MS4A6E: variants seen among roughly 807,000 people sequenced by gnomAD.
MS4A6E encodes the protein membrane-spanning 4-domains subfamily A member 6E.
A neutral mutation model predicts 13.2 loss-of-function variants in MS4A6E; 8 were observed. That is an observed-to-expected ratio of 0.60 (90% CI 0.35 to 1.09). MS4A6E has a LOEUF of 1.09. Ranked by LOEUF, MS4A6E falls within the 50% of genes least tolerant of loss-of-function variation. The probability of loss-of-function intolerance (pLI) is 0.02; values close to 1 mark genes in which losing one functional copy is unlikely to be tolerated. For missense variants in MS4A6E, 177 were observed against 171.1 expected (o/e 1.03, Z -0.19); for synonymous variants, 72 against 67.6 (o/e 1.06, Z -0.32).
At chr11:60,335,248 T>C (rs1376298353) in intron 2 of MS4A6E, among the ~76,000 whole-genome samples, 2 of 152,218 alleles carry the variant, frequency 1.3e-5, no homozygotes, top group Non-Finnish European at 2.9e-5. Context: ...ATTCTGAATA[T>C]GAGGAGTTGA....
chr11:60,338,021 T>G, intron 3 of MS4A6E, 74 bp downstream of exon 3: 1 of 1,447,986 alleles, frequency 6.9e-7, no homozygotes, highest in South Asian at 1.3e-5. Flanking sequence ...TATTCCATCC[T>G]TTGAAAATCT....
At chr11:60,343,567 G>C (rs1045276662), downstream of MS4A6E, among the ~76,000 whole-genome samples, 3 of 152,108 alleles carry the variant, frequency 2.0e-5, no homozygotes, top group Non-Finnish European at 4.4e-5. Context: ...ATTTCTCCTT[G>C]GGGTTCTATG....
intron 1 of MS4A6E, among the ~76,000 whole-genome samples, chr11:60,330,361 A>C (rs1273647989): frequency 5.8e-5 from 1 of 17,200 alleles, no homozygotes; most frequent in African/African-American, 1.8e-4. Flanking sequence ...TTTTTTTTTT[A>C]GGCGGAGTCT....
At chr11:60,338,700 A>G (rs1287055578) in intron 3 of MS4A6E, 1 of 152,216 alleles carries the variant, frequency 6.6e-6, no homozygotes, top group African/African-American at 2.4e-5. Context: ...CATTGAGAGG[A>G]AAACAGGCAA....
downstream of MS4A6E, among the ~76,000 whole-genome samples, chr11:60,342,509 C>G (rs2085234715): frequency 6.6e-6 from 1 of 152,078 alleles, no homozygotes; most frequent in Admixed American, 6.5e-5. Flanking sequence ...ATAGATGAGT[C>G]TGAGGAGGTC....
chr11:60,345,753 G>A (rs1263812806), downstream of MS4A6E, among the ~76,000 whole-genome samples: 1 of 152,204 alleles, frequency 6.6e-6, no homozygotes, highest in African/African-American at 2.4e-5. Context: ...ATTATGTGGG[G>A]TGTAAATCAT....
intron 1 of MS4A6E, among the ~76,000 whole-genome samples, chr11:60,328,322 G>A (rs1565154490): frequency 6.6e-6 from 1 of 152,238 alleles, no homozygotes; most frequent in Admixed American, 6.5e-5. Context: ...AAGATAAAAG[G>A]CTGTTCAAGA....
intron 4 of MS4A6E, among the ~76,000 whole-genome samples, chr11:60,347,374 T>C (rs1429022772): frequency 6.6e-6 from 1 of 152,078 alleles, no homozygotes; most frequent in Non-Finnish European, 1.5e-5. Context: ...GTAGAAAAGA[T>C]CTAATTGTTG....
intron 1 of MS4A6E, among the ~76,000 whole-genome samples, chr11:60,334,650 G>T (rs1364490921): frequency 1.3e-5 from 2 of 152,160 alleles, no homozygotes; most frequent in African/African-American, 4.8e-5. Context: ...CAAGATTCAT[G>T]CTGCTGCCAC....
At chr11:60,340,751 A>G (rs1379866001) in intron 4 of MS4A6E, 25 bp from the exon 5 acceptor site, 3 of 200,850 alleles carry the variant, frequency 1.5e-5, no homozygotes, top group African/African-American at 4.6e-5. Context: ...TGTTTCTTCT[A>G]AAGTGTGCTT....
Position 60,337,729 on chromosome 11 carries a change from T to C in MS4A6E, c.148-12T>C, listed in dbSNP as rs954330405. 1.9e-6 allele frequency: 3 copies of C among 1,614,116 alleles called. No homozygotes were observed. Among genetic ancestry groups the C allele is most frequent in the African/African-American group, 1.3e-5 (1 of 75,052 alleles). On this transcript the variant is annotated splice_polypyrimidine_tract_variant and intron_variant, in intron 2 of 4. Transcript: ENST00000684409. Reference sequence around the variant, plus strand: ...CTTTGGGAATGATTCTTACCCAGCATGTCTCTTTCAGGTGCATAGCAGCCT... The same window carrying C: ...CTTTGGGAATGATTCTTACCCAGCACGTCTCTTTCAGGTGCATAGCAGCCT...
At chr11:60,328,268 A>C (rs2085132428) in intron 1 of MS4A6E, among the ~76,000 whole-genome samples, 1 of 152,206 alleles carries the variant, frequency 6.6e-6, no homozygotes, top group Non-Finnish European at 1.5e-5. Context: ...ATCAAAAAGT[A>C]AGTGAAATTT....
chr11:60,331,954 G>A (rs2085158815), intron 1 of MS4A6E, among the ~76,000 whole-genome samples: 1 of 152,172 alleles, frequency 6.6e-6, no homozygotes, highest in Non-Finnish European at 1.5e-5. Flanking sequence ...TTGAGGATAT[G>A]CCAGCAATTT....
chr11:60,335,061 A>G lies in MS4A6E; in HGVS notation c.147+19A>G. The G allele has an allele frequency of 6.2e-7, 1 of 1,613,538 alleles. No individual in the cohort carries two copies. Among genetic ancestry groups the G allele is most frequent in the Non-Finnish European group, 8.5e-7 (1 of 1,179,714 alleles). On this transcript the variant is annotated intron_variant, in intron 2 of 4. Coordinates refer to ENST00000684409, the MANE Select transcript of MS4A6E (RefSeq NM_139249.4). Reference sequence around the variant, plus strand: ...TATTGGGGTAAATCTAATTCAGAACATGTTGGAGAGGGGTTAGGGGAAGTG... The same window carrying G: ...TATTGGGGTAAATCTAATTCAGAACGTGTTGGAGAGGGGTTAGGGGAAGTG...
intron 1 of MS4A6E, among the ~76,000 whole-genome samples, chr11:60,334,511 G>C (rs1453674655): frequency 6.6e-6 from 1 of 152,170 alleles, no homozygotes; most frequent in Non-Finnish European, 1.5e-5. Flanking sequence ...TAAATGATTA[G>C]AGTGCATTTG....
At chr11:60,342,766 C>T (rs140826261), downstream of MS4A6E, among the ~76,000 whole-genome samples, 30 of 152,304 alleles carry the variant, frequency 2.0e-4, no homozygotes, top group East Asian at 4.6e-3. Context: ...CTGGCATTCA[C>T]CTTTGCAAGC....
chr11:60,330,574 C>A (rs761176841), intron 1 of MS4A6E, among the ~76,000 whole-genome samples: 4 of 151,770 alleles, frequency 2.6e-5, no homozygotes, highest in Non-Finnish European at 5.9e-5. Context: ...GATCTGACCT[C>A]GTGATCCGCC....
At chr11:60,335,818 C>T (rs2085185451) in intron 2 of MS4A6E, among the ~76,000 whole-genome samples, 1 of 152,198 alleles carries the variant, frequency 6.6e-6, no homozygotes, top group African/African-American at 2.4e-5. Flanking sequence ...GGAAGGAAAA[C>T]TACCTCCTAA....
chr11:60,343,428 C>T (rs905445956), downstream of MS4A6E, among the ~76,000 whole-genome samples: 14 of 152,162 alleles, frequency 9.2e-5, no homozygotes. Flanking sequence ...AATTTTCCAA[C>T]CGGAATTCCA....
Sources: allele counts gnomAD v4.1 joint callset (sites outside exome capture counted in the v4.1 genomes callset), GRCh38; gene constraint gnomAD v4.1.1; transcripts MANE v1.5; gene names NCBI Gene and HGNC (gene_info 2026-07-23, HGNC 2026-07-21).